Variants in RMND5A observed in about 807,000 individuals in gnomAD.
The protein encoded by RMND5A is E3 ubiquitin-protein transferase RMND5A.
In RMND5A, 17 loss-of-function variants were observed where a neutral mutation model predicts 49.7. The ratio of observed to expected loss-of-function variants is 0.34; its 90% confidence interval spans 0.23 to 0.51. RMND5A has a LOEUF of 0.51. Among genes scored for constraint, RMND5A ranks in the 20% least tolerant of loss-of-function variants. The pLI is 0.96. For synonymous variants in RMND5A, 156 were observed against 167.7 expected, an observed-to-expected ratio of 0.93 and a Z score of 0.54; for missense variants, 255 against 471.3, an observed-to-expected ratio of 0.54 and a Z score of 4.25.
At chr2:86,771,487 G>GTA in intron 7 of RMND5A, 71 bp from the exon 8 acceptor site, 1 of 1,374,676 alleles carries the variant, frequency 7.3e-7, no homozygotes, top group South Asian at 1.3e-5. Context: ...GCTGCACAGT[G>GTA]TATATTACCA....
At chr2:86,753,169 G>A (rs1051760585) in intron 3 of RMND5A, among the ~76,000 whole-genome samples, 1 of 152,138 alleles carries the variant, frequency 6.6e-6, no homozygotes, top group Non-Finnish European at 1.5e-5. Context: ...CCATACCTTT[G>A]TATCCCAGAA....
At position 86,753,670 on chromosome 2, in the gene RMND5A, T is replaced by G. The variant is rs529214747; in HGVS notation, c.521+112T>G. 296 of 529,866 alleles carry G rather than the reference T, an allele frequency of 5.6e-4. 4 individuals carry two copies. The South Asian group carries it at 0.01, about 18-fold the overall frequency. 32.8% of individuals were successfully genotyped at this position (529,866 alleles called of 1,614,324 possible). A position where few individuals can be genotyped will look rare whatever the true frequency, so the allele number is the denominator to read the frequency against. ...TATATTTATCTTACCTGTGGTAGACTTCAGAGAAATCAAAGGAGAATTATT... is the reference window on the plus strand; with the variant it reads ...TATATTTATCTTACCTGTGGTAGACGTCAGAGAAATCAAAGGAGAATTATT... On this transcript the variant is annotated intron_variant, in intron 4 of 8. Coordinates refer to ENST00000283632, the MANE Select transcript of RMND5A (RefSeq NM_022780.4).
At position 86,753,385 on chromosome 2, in the gene RMND5A, G is replaced by C. The variant is rs180807471; in HGVS notation, c.421-73G>C. The C allele has an allele frequency of 4.7e-6, 4 of 855,320 alleles. No individual in the cohort carries two copies. In the Admixed American group the frequency reaches 8.1e-5, roughly 17 times the overall value. The allele number at this position is 855,320 out of a possible 1,614,324, so 53.0% of individuals were successfully genotyped here. ...GGCTTGCCCCATATTTTACAATCTA[G>C]AATATACTTTTACCACTAGCTCCTT... On this transcript the variant is annotated intron_variant, in intron 3 of 8. Transcript: ENST00000283632.
At chr2:86,746,681 C>G in intron 2 of RMND5A, among the ~76,000 whole-genome samples, 1 of 151,780 alleles carries the variant, frequency 6.6e-6, no homozygotes, top group South Asian at 2.1e-4. Flanking sequence ...ATGAATTTCT[C>G]TCCTTTCCAT....
intron 1 of RMND5A, among the ~76,000 whole-genome samples, chr2:86,732,257 C>G (rs1274346683): frequency 6.7e-6 from 1 of 148,882 alleles, no homozygotes; most frequent in Non-Finnish European, 1.5e-5. Context: ...GCCTACCAAC[C>G]AGCTGTTTAG....
rs535509132 is a variant in RMND5A at position 86,760,967 on chromosome 2, T to G, written c.522-4060T>G. ...TCTACTTTGGATTGAGAGAGAGAAG[T>G]GTGTGTGTGTGTGTGTGTGTGTGTG... On this transcript the variant is annotated intron_variant, in intron 4 of 8. Coordinates refer to ENST00000283632, the MANE Select transcript of RMND5A (RefSeq NM_022780.4). Among the ~76,000 whole-genome samples the G allele has an allele frequency of 7.3e-3, 393 of 54,040 alleles. 1 individual carries two copies. Among genetic ancestry groups the G allele is most frequent in the Non-Finnish European group, 0.013 (293 of 22,012 alleles). 35.5% of individuals were successfully genotyped at this position (54,040 alleles called of 152,430 possible). A position where few individuals can be genotyped will look rare whatever the true frequency, so the allele number is the denominator to read the frequency against.
intron 2 of RMND5A, among the ~76,000 whole-genome samples, chr2:86,751,365 T>C (rs1007601469): frequency 4.6e-5 from 7 of 152,186 alleles, no homozygotes; most frequent in African/African-American, 1.4e-4. Context: ...GTATGCTGTT[T>C]AGAGTCAGGA....
rs1672751017 is a variant in RMND5A at position 86,775,349 on chromosome 2, T to TAC, written c.*1939_*1940dup. ...CTTTCTTTTTTTTTTTTTTTTTTTT[T>TAC]ACCCTTTTTCTCCTTAGGCCAAGTT... On this transcript the variant is annotated 3_prime_UTR_variant, in exon 9 of 9. Transcript: ENST00000283632. 1.6e-5 allele frequency: 2 copies of TAC among 123,314 alleles called. No individual in the cohort carries two copies. Among genetic ancestry groups the TAC allele is most frequent in the East Asian group, 5.0e-4 (2 of 4,020 alleles). The allele number at this position is 123,314 out of a possible 1,614,324, so 7.6% of individuals were successfully genotyped here.
chr2:86,746,004 C>T (rs13403298), intron 2 of RMND5A, among the ~76,000 whole-genome samples: 1,936 of 152,212 alleles, frequency 0.013, 48 homozygotes, highest in African/African-American at 0.044. Flanking sequence ...AGATCTTTTG[C>T]CACTGGGTGG....
At chr2:86,770,490 T>G (rs567883550) in intron 7 of RMND5A, among the ~76,000 whole-genome samples, 1 of 152,342 alleles carries the variant, frequency 6.6e-6, no homozygotes, top group Admixed American at 6.5e-5. Context: ...TTGTCTTAAC[T>G]ATTGCTGTCG....
Position 86,773,514 on chromosome 2 carries a change from C to T in RMND5A, c.*103C>T, listed in dbSNP as rs1672716045. ...CAGCTAACCAAGGACTCCTGTGTTTCTATAAGCTAATGCTCCAGAAACTTT... is the reference window on the plus strand; with the variant it reads ...CAGCTAACCAAGGACTCCTGTGTTTTTATAAGCTAATGCTCCAGAAACTTT... On this transcript the variant is annotated 3_prime_UTR_variant, in exon 9 of 9. Coordinates refer to ENST00000283632, the MANE Select transcript of RMND5A (RefSeq NM_022780.4). 1.4e-6 allele frequency: 1 copy of T among 734,904 alleles called. No homozygotes were observed. The highest frequency in any genetic ancestry group is 2.4e-6 in the Non-Finnish European group (1 of 416,398). The allele number at this position is 734,904 out of a possible 1,614,324, so 45.5% of individuals were successfully genotyped here.
rs1290322623 is a variant in RMND5A at position 86,776,863 on chromosome 2, A to G, written c.*3452A>G. 2 of 152,220 alleles carry G rather than the reference A, an allele frequency of 1.3e-5. No homozygotes were observed. The highest frequency in any genetic ancestry group is 6.5e-5 in the Admixed American group (1 of 15,286). The allele number at this position is 152,220 out of a possible 1,614,324, so 9.4% of individuals were successfully genotyped here. On this transcript the variant is annotated 3_prime_UTR_variant, in exon 9 of 9. Transcript: ENST00000283632. ...CTATACGTACTTTATCTCTGGTAAC[A>G]CTAGAATGCTGTGGTCTTGAGGGAA...
chr2:86,754,163 A>G (rs1188644113), intron 4 of RMND5A, among the ~76,000 whole-genome samples: 1 of 152,256 alleles, frequency 6.6e-6, no homozygotes, highest in East Asian at 1.9e-4. Flanking sequence ...TTTTCATTTC[A>G]CATAAGGTCT....
At chr2:86,752,656 A>C (rs1681656407) in intron 3 of RMND5A, among the ~76,000 whole-genome samples, 1 of 152,208 alleles carries the variant, frequency 6.6e-6, no homozygotes, top group Non-Finnish European at 1.5e-5. Context: ...TAAGGTCTGG[A>C]GAAGTAAGTT....
Position 86,753,523 on chromosome 2 carries a change from G to C in RMND5A, c.486G>C (p.Glu162Asp). 6.2e-7 allele frequency: 1 copy of C among 1,611,214 alleles called. No homozygotes were observed. Among genetic ancestry groups the C allele is most frequent in the Non-Finnish European group, 8.5e-7 (1 of 1,177,788 alleles). The stretch of plus-strand genomic sequence containing the variant: ...TTGTGGAGTTAAATAGAATATTAGA[G>C]GCATTAAAGGTCAGAGTTCTGAGAC... Reference protein sequence around the residue: ...EPFVELNRILEALKVRVLRPA... With the variant: ...EPFVELNRILDALKVRVLRPA... Residue 162 changes from glutamate (E) to aspartate (D), a missense_variant, in exon 4 of 9, where the codon GAG (glutamate) becomes GAC (aspartate). By Grantham distance (45) the Glu-to-Asp change is conservative. Coordinates refer to ENST00000283632, the MANE Select transcript of RMND5A (RefSeq NM_022780.4).
At position 86,726,962 on chromosome 2, in the gene RMND5A, C is replaced by T. The variant is rs1681288649; in HGVS notation, c.142+6153C>T. Among the ~76,000 whole-genome samples, 2 of 58,050 alleles carry T rather than the reference C, an allele frequency of 3.4e-5. 1 individual carries two copies. Among genetic ancestry groups the T allele is most frequent in the Non-Finnish European group, 6.6e-5 (2 of 30,488 alleles). The allele number at this position is 58,050 out of a possible 152,430, so 38.1% of individuals were successfully genotyped here. ...GAACATGGCCATTTTGTTGGAGATA[C>T]TCCAGGGAGTACCTTTATTATTCCG... On this transcript the variant is annotated intron_variant, in intron 1 of 8. Coordinates refer to ENST00000283632, the MANE Select transcript of RMND5A (RefSeq NM_022780.4).
At chr2:86,752,793 G>T (rs1681658741) in intron 3 of RMND5A, among the ~76,000 whole-genome samples, 1 of 152,154 alleles carries the variant, frequency 6.6e-6, no homozygotes, top group African/African-American at 2.4e-5. Context: ...AGGACCGAAA[G>T]AATTAGTTTA....
intron 2 of RMND5A, among the ~76,000 whole-genome samples, chr2:86,746,876 T>C (rs1573434709): frequency 3.3e-5 from 5 of 152,318 alleles, no homozygotes; most frequent in South Asian, 4.1e-4. Context: ...TACCTTTCTC[T>C]TAATGTTGAT....
intron 4 of RMND5A, among the ~76,000 whole-genome samples, chr2:86,761,429 G>A (rs1014323547): frequency 6.6e-6 from 1 of 152,142 alleles, no homozygotes; most frequent in African/African-American, 2.4e-5. Flanking sequence ...TACAAATGTG[G>A]GTTTCTGGGT....
Sources: allele counts gnomAD v4.1 joint callset (sites outside exome capture counted in the v4.1 genomes callset), GRCh38; gene constraint gnomAD v4.1.1; transcripts MANE v1.5; gene names NCBI Gene and HGNC (gene_info 2026-07-23, HGNC 2026-07-21).